Variants in KCNG3 observed in about 807,000 individuals in gnomAD.
KCNG3 encodes the protein voltage-gated potassium channel regulatory subunit KCNG3.
KCNG3 carries 15 observed loss-of-function variants against 29.0 expected under a neutral mutation model. The ratio of observed to expected loss-of-function variants is 0.52; its 90% CI spans 0.35 to 0.80. The LOEUF is 0.80. KCNG3 is among the 30% of genes least tolerant of loss of function. The pLI is 0.01. For missense variants in KCNG3, 512 were observed against 605.7 expected (o/e 0.85, Z 1.62); for synonymous variants, 322 against 248.9 (o/e 1.29, Z -2.76).
In KCNG3 at chr2:42,442,981, T is replaced by C. The variant is rs1277757150; in HGVS notation, c.*953A>G. The C allele has an allele frequency of 1.3e-5, 2 of 152,240 alleles. No homozygotes were observed. Among genetic ancestry groups the C allele is most frequent in the African/African-American group, 4.8e-5 (2 of 41,470 alleles). 9.4% of individuals were successfully genotyped at this position (152,240 alleles called of 1,614,324 possible). ...ATAATCCAGTGACAACACGTAAGTA[T>C]GACTTTGCTACTAAAAGGCTATATA... On this transcript the variant is annotated 3_prime_UTR_variant, in exon 2 of 2. Coordinates refer to ENST00000306078, the MANE Select transcript of KCNG3 (RefSeq NM_133329.6).
rs1280360271 is a variant in KCNG3 at position 42,442,071 on chromosome 2, G to T, written c.*1863C>A. ...ATGGAGGTGCTATCATCTGCACATTGTTTGCATGAACCACAAAGCTTTAAT... is the reference window on the plus strand; with the variant it reads ...ATGGAGGTGCTATCATCTGCACATTTTTTGCATGAACCACAAAGCTTTAAT... On this transcript the variant is annotated 3_prime_UTR_variant, in exon 2 of 2. Coordinates refer to ENST00000306078, the MANE Select transcript of KCNG3 (RefSeq NM_133329.6). 1 of 152,002 alleles carries T rather than the reference G, an allele frequency of 6.6e-6. No homozygotes were observed. Among genetic ancestry groups the T allele is most frequent in the Non-Finnish European group, 1.5e-5 (1 of 68,020 alleles). 9.4% of individuals were successfully genotyped at this position (152,002 alleles called of 1,614,324 possible). A position where few individuals can be genotyped will look rare whatever the true frequency, so the allele number is the denominator to read the frequency against.
chr2:42,421,667 T>C, the KCNG3 span, among the ~76,000 whole-genome samples: 1 of 152,156 alleles, frequency 6.6e-6, no homozygotes, highest in Admixed American at 6.5e-5. Flanking sequence ...CATACCCTCC[T>C]AGTCACTAGG....
the KCNG3 span, among the ~76,000 whole-genome samples, chr2:42,416,585 T>C: frequency 2.8e-4 from 42 of 152,056 alleles, no homozygotes; most frequent in African/African-American, 9.4e-4. Context: ...TCCCAGCACT[T>C]TGGGAGGCCG....
chr2:42,424,338 G>A, the KCNG3 span, among the ~76,000 whole-genome samples: 1 of 151,932 alleles, frequency 6.6e-6, no homozygotes, highest in Non-Finnish European at 1.5e-5. Flanking sequence ...CAGAGATGAT[G>A]GGACTTCTGA....
chr2:42,390,368 G>A, the KCNG3 span, among the ~76,000 whole-genome samples: 1 of 152,182 alleles, frequency 6.6e-6, no homozygotes, highest in Non-Finnish European at 1.5e-5. Flanking sequence ...GCAGATCCCA[G>A]GGAATGATCT....
chr2:42,482,496 G>C (rs1466109186), intron 1 of KCNG3, among the ~76,000 whole-genome samples: 5 of 152,116 alleles, frequency 3.3e-5, no homozygotes, highest in African/African-American at 4.8e-5. Context: ...AGGCCAAGGT[G>C]GGTGGATCAC....
chr2:42,466,786 T>C (rs1374845911), intron 1 of KCNG3, among the ~76,000 whole-genome samples: 2 of 146,130 alleles, frequency 1.4e-5, no homozygotes, highest in Non-Finnish European at 3.0e-5. Flanking sequence ...GGAGTCTCGC[T>C]CTGTCATCCA....
intron 1 of KCNG3, among the ~76,000 whole-genome samples, chr2:42,473,222 T>G (rs918709004): frequency 6.6e-6 from 1 of 152,070 alleles, no homozygotes; most frequent in Non-Finnish European, 1.5e-5. Context: ...ATGTTTTATT[T>G]CTTTAATTGG....
chr2:42,475,323 CTTTTTTTT>C (rs11365655), intron 1 of KCNG3, among the ~76,000 whole-genome samples: 2 of 104,710 alleles, frequency 1.9e-5, no homozygotes, highest in Admixed American at 2.1e-4. Flanking sequence ...GCCTCTGTCT[CTTTTTTTT>C]TTTTTTTTTT....
chr2:42,394,668 C>A, the KCNG3 span, among the ~76,000 whole-genome samples: 1 of 152,164 alleles, frequency 6.6e-6, no homozygotes, highest in Non-Finnish European at 1.5e-5. Flanking sequence ...GACCTGGAAG[C>A]CCCTCCCTGA....
At chr2:42,405,804 C>T in the KCNG3 span, among the ~76,000 whole-genome samples, 1 of 152,110 alleles carries the variant, frequency 6.6e-6, no homozygotes, top group Admixed American at 6.5e-5. Flanking sequence ...GATGGCGTTT[C>T]ACCATGTTAG....
chr2:42,436,193 C>G, the KCNG3 span, among the ~76,000 whole-genome samples: 8 of 152,110 alleles, frequency 5.3e-5, no homozygotes, highest in South Asian at 1.2e-3. Flanking sequence ...TAGGCAAATC[C>G]ACAGAGACAG....
the KCNG3 span, among the ~76,000 whole-genome samples, chr2:42,427,258 T>A: frequency 6.6e-6 from 1 of 152,216 alleles, no homozygotes; most frequent in Non-Finnish European, 1.5e-5. Flanking sequence ...GTGAGGTGGT[T>A]AGTTTATTGA....
At chr2:42,482,618 A>G (rs539441084) in intron 1 of KCNG3, among the ~76,000 whole-genome samples, 64 of 152,266 alleles carry the variant, frequency 4.2e-4, no homozygotes, top group African/African-American at 1.5e-3. Flanking sequence ...AATCCCAGCT[A>G]CTCAGGGGGC....
the KCNG3 span, among the ~76,000 whole-genome samples, chr2:42,425,460 G>A: frequency 6.6e-6 from 1 of 151,954 alleles, no homozygotes; most frequent in Admixed American, 6.6e-5. Context: ...GGGATGCGGG[G>A]TGTAGAGTGT....
the KCNG3 span, among the ~76,000 whole-genome samples, chr2:42,406,410 G>A: frequency 1.3e-5 from 2 of 150,868 alleles, no homozygotes; most frequent in East Asian, 2.0e-4. Flanking sequence ...GTAGAGATGA[G>A]GTTTTTCCAT....
the KCNG3 span, chr2:42,415,466 C>A: frequency 0.61 from 92,614 of 151,926 alleles, 28,781 homozygotes; most frequent in East Asian, 0.76. Context: ...TTCCTCTGAC[C>A]CAGAATGGCA....
downstream of KCNG3, among the ~76,000 whole-genome samples, chr2:42,441,803 T>TAAATATAAAATATATACAC (rs1672492484): frequency 6.6e-6 from 1 of 150,812 alleles, no homozygotes; most frequent in Non-Finnish European, 1.5e-5. Context: ...GGTGTGTGTG[T>TAAATATAAAATATATACAC]ATATATATAC....
At chr2:42,423,420 T>C in the KCNG3 span, among the ~76,000 whole-genome samples, 2 of 152,116 alleles carry the variant, frequency 1.3e-5, no homozygotes, top group African/African-American at 4.8e-5. Context: ...GGCTGGCACA[T>C]GAGATTTTTC....
Sources: allele counts gnomAD v4.1 joint callset (sites outside exome capture counted in the v4.1 genomes callset), GRCh38; gene constraint gnomAD v4.1.1; transcripts MANE v1.5; gene names NCBI Gene and HGNC (gene_info 2026-07-23, HGNC 2026-07-21).